SLC6A11: variants seen among roughly 807,000 people sequenced by gnomAD.
The protein encoded by SLC6A11 is solute carrier family 6 member 11.
A neutral mutation model predicts 74.8 loss-of-function variants in SLC6A11; 25 were observed. The ratio of observed to expected loss-of-function variants is 0.33; its 90% confidence interval spans 0.24 to 0.47. The LOEUF is 0.47. Ranked by LOEUF, SLC6A11 falls within the 20% of genes least tolerant of loss-of-function variation. SLC6A11 has a pLI of 1.00. For missense variants in SLC6A11, 574 were observed against 837.0 expected (o/e 0.69, Z 3.88); for synonymous variants, 330 against 330.2 (o/e 1.00, Z 0.01).
rs781357408 is a variant in SLC6A11 at position 10,935,097 on chromosome 3, C to T, written c.1644C>T (p.Ala548=). The change falls in exon 13 of 14, where the codon GCC becomes GCT. Residue 548 remains alanine, a synonymous_variant. Coordinates refer to ENST00000254488, the MANE Select transcript of SLC6A11 (RefSeq NM_014229.3). ...ACAACAACATCTACACCTACCCAGC[C>T]TGGGGCTATGGCATTGGCTGGCTCA... The part of the protein sequence containing the change: ...LKYNNIYTYP[A]WGYGIGWLMA... 13 of 1,614,148 alleles carry T rather than the reference C, an allele frequency of 8.1e-6. No individual in the cohort carries two copies. The highest frequency in any genetic ancestry group is 1.1e-5 in the Non-Finnish European group (13 of 1,179,962).
chr3:10,937,429 C>T (rs1695771650), intron 13 of SLC6A11, among the ~76,000 whole-genome samples: 1 of 152,210 alleles, frequency 6.6e-6, no homozygotes, highest in African/African-American at 2.4e-5. Context: ...ACAGCAGGCA[C>T]AGCAGGATCT....
chr3:10,824,488 T>A (rs898778698), intron 4 of SLC6A11: 6 of 152,196 alleles, frequency 3.9e-5, no homozygotes, highest in Admixed American at 3.9e-4. Flanking sequence ...GATTTACCAC[T>A]CTCATATAAA....
chr3:10,879,508 G>A (rs1036932917), intron 6 of SLC6A11, among the ~76,000 whole-genome samples: 3 of 152,172 alleles, frequency 2.0e-5, no homozygotes, highest in Admixed American at 1.3e-4. Flanking sequence ...CCTTGAGGAA[G>A]GCTCCTAGCC....
At chr3:10,857,414 G>A (rs1694651673) in intron 5 of SLC6A11, among the ~76,000 whole-genome samples, 1 of 152,100 alleles carries the variant, frequency 6.6e-6, no homozygotes, top group South Asian at 2.1e-4. Flanking sequence ...CCTGAGTAGG[G>A]GGTGTGTTTT....
chr3:10,869,130 A>T (rs1275621269), intron 5 of SLC6A11, among the ~76,000 whole-genome samples: 1 of 152,212 alleles, frequency 6.6e-6, no homozygotes, highest in Admixed American at 6.5e-5. Context: ...GGTGCTGTGG[A>T]TGCAGCAGGG....
In SLC6A11 at chr3:10,935,227, G is replaced by A. The variant is rs149195347; in HGVS notation, c.1746+28G>A. 4.1e-3 allele frequency: 6,637 copies of A among 1,610,108 alleles called. 226 individuals are homozygous for A. In the South Asian group the frequency reaches 0.058, roughly 14 times the overall value. On this transcript the variant is annotated intron_variant, in intron 13 of 13. Transcript: ENST00000254488. Reference sequence around the variant, plus strand: ...GAGACCGCCCCAGGAGGGCTGGTGCGTTTGGGCAGGGTTCGCGCCTTGGGT... The same window carrying A: ...GAGACCGCCCCAGGAGGGCTGGTGCATTTGGGCAGGGTTCGCGCCTTGGGT...
chr3:10,853,404 C>T (rs949628260), intron 5 of SLC6A11, among the ~76,000 whole-genome samples: 1 of 152,242 alleles, frequency 6.6e-6, no homozygotes, highest in African/African-American at 2.4e-5. Flanking sequence ...CCACTCACCC[C>T]AGTGCAGTCG....
intron 5 of SLC6A11, among the ~76,000 whole-genome samples, chr3:10,849,653 C>T (rs997269205): frequency 1.1e-4 from 16 of 152,104 alleles, no homozygotes; most frequent in Admixed American, 1.0e-3. Flanking sequence ...CAGAATGATA[C>T]AACTGAAATG....
chr3:10,826,474 G>A (rs1288243215), intron 4 of SLC6A11, among the ~76,000 whole-genome samples: 2 of 152,166 alleles, frequency 1.3e-5, no homozygotes, highest in Admixed American at 6.5e-5. Context: ...ACTGGACAAG[G>A]TCTCTGTGTT....
In SLC6A11 at chr3:10,874,950, C is replaced by T; in HGVS notation, c.757-11C>T. 1 of 1,601,072 alleles carries T rather than the reference C, an allele frequency of 6.2e-7. No individual in the cohort carries two copies. The highest frequency in any genetic ancestry group is 8.5e-7 in the Non-Finnish European group (1 of 1,171,628). ...CCCCTTCTTGATTCTGTCCTCTCCT[C>T]TTGTGCACAGGTTGTATACGTGACT... On this transcript the variant is annotated splice_polypyrimidine_tract_variant and intron_variant, in intron 5 of 13. Transcript: ENST00000254488.
intron 8 of SLC6A11, among the ~76,000 whole-genome samples, chr3:10,921,406 G>A (rs1022737353): frequency 2.6e-5 from 4 of 152,132 alleles, no homozygotes; most frequent in Non-Finnish European, 5.9e-5. Context: ...AAAGTGATAT[G>A]TTATTAACTC....
chr3:10,903,177 G>A (rs1178090494), intron 6 of SLC6A11, among the ~76,000 whole-genome samples: 2 of 152,230 alleles, frequency 1.3e-5, no homozygotes, highest in South Asian at 4.1e-4. Flanking sequence ...AGGACATAGA[G>A]ATGGATTTAA....
intron 3 of SLC6A11, 46 bp downstream of exon 3, chr3:10,819,898 G>T (rs754529490): frequency 1.2e-6 from 2 of 1,601,546 alleles, no homozygotes; most frequent in Non-Finnish European, 1.7e-6. Context: ...TGGGTGACCT[G>T]GGATTGGGGT....
Position 10,915,075 on chromosome 3 carries a change from A to G in SLC6A11, c.995+2882A>G, listed in dbSNP as rs1423784628. Among the ~76,000 whole-genome samples, 1 of 152,158 alleles carries G rather than the reference A, an allele frequency of 6.6e-6. No homozygotes were observed. The highest frequency in any genetic ancestry group is 2.4e-5 in the African/African-American group (1 of 41,440). ...AGGAGATGGTGGCCCGTGGAGCTCGAGTCCCTTACTCCTGTTCACATTGCC... is the reference window on the plus strand; with the variant it reads ...AGGAGATGGTGGCCCGTGGAGCTCGGGTCCCTTACTCCTGTTCACATTGCC... On this transcript the variant is annotated intron_variant, in intron 7 of 13. Transcript: ENST00000254488. The surrounding 1 kb of genome is among the most constrained non-coding windows in gnomAD (Gnocchi z 4.3).
chr3:10,830,220 A>G lies in SLC6A11; in HGVS notation c.623+6828A>G, dbSNP rs544521731. Among the ~76,000 whole-genome samples, 11 of 152,342 alleles carry G rather than the reference A, an allele frequency of 7.2e-5. No individual in the cohort carries two copies. In the East Asian group the frequency reaches 2.1e-3, roughly 29 times the overall value. On this transcript the variant is annotated intron_variant, in intron 4 of 13. Transcript: ENST00000254488. ...GGTTTTGAAGGATAAATAGAAGTTCATGCGGTTGGCCATGGAGTGAGTAAA... is the reference window on the plus strand; with the variant it reads ...GGTTTTGAAGGATAAATAGAAGTTCGTGCGGTTGGCCATGGAGTGAGTAAA...
intron 8 of SLC6A11, 116 bp from the exon 9 acceptor site, chr3:10,925,887 GA>G (rs1335427743): frequency 7.5e-6 from 5 of 665,872 alleles, no homozygotes; most frequent in Non-Finnish European, 1.1e-5. Context: ...TGATTTGAGT[GA>G]GAGGCAGGCA....
At chr3:10,876,404 C>T (rs1239926259) in intron 6 of SLC6A11, among the ~76,000 whole-genome samples, 1 of 152,194 alleles carries the variant, frequency 6.6e-6, no homozygotes, top group Non-Finnish European at 1.5e-5. Context: ...ACATATTCTA[C>T]AAACCACTGA....
At chr3:10,847,489 G>A (rs553102815) in intron 5 of SLC6A11, among the ~76,000 whole-genome samples, 2 of 152,314 alleles carry the variant, frequency 1.3e-5, no homozygotes, top group Non-Finnish European at 2.9e-5. Flanking sequence ...TGTCTTGGAT[G>A]GGATGCGGTT....
At chr3:10,819,972 G>A in intron 3 of SLC6A11, 120 bp downstream of exon 3, 1 of 1,088,818 alleles carries the variant, frequency 9.2e-7, no homozygotes, top group Non-Finnish European at 1.3e-6. Flanking sequence ...GTTTTCTAGG[G>A]TAGTCTTGCT....
Sources: allele counts gnomAD v4.1 joint callset (sites outside exome capture counted in the v4.1 genomes callset), GRCh38; gene constraint gnomAD v4.1.1; non-coding constraint Gnocchi (gnomAD v3.1); transcripts MANE v1.5; gene names NCBI Gene and HGNC (gene_info 2026-07-23, HGNC 2026-07-21).